Variants in EPB41L2 observed in about 807,000 individuals in gnomAD.
EPB41L2 encodes the protein band 4.1-like protein 2.
Under a neutral mutation model 113.0 loss-of-function variants are expected in EPB41L2, and 43 were observed. The observed-to-expected ratio is 0.38, with a 90% CI of 0.30 to 0.49. The LOEUF (loss-of-function observed/expected upper bound fraction) is 0.49. Ranked by LOEUF, EPB41L2 falls within the 20% of genes least tolerant of loss-of-function variation. EPB41L2 has a pLI of 0.95. For synonymous variants in EPB41L2, 442 were observed against 436.7 expected (o/e 1.01, Z -0.15); for missense variants, 1,147 against 1,223.4 (o/e 0.94, Z 0.93).
chr6:131,061,330 A>C (rs1453821287), intron 1 of EPB41L2, among the ~76,000 whole-genome samples: 1 of 152,212 alleles, frequency 6.6e-6, no homozygotes, highest in African/African-American at 2.4e-5. Context: ...CCATTGTTCC[A>C]AGCCATTACC....
intron 3 of EPB41L2, among the ~76,000 whole-genome samples, chr6:130,940,308 AT>A (rs907653281): frequency 5.9e-5 from 9 of 152,100 alleles, no homozygotes; most frequent in African/African-American, 1.9e-4. Context: ...TTTCTGGTAC[AT>A]TTTTTTTATG....
intron 17 of EPB41L2, 114 bp downstream of exon 17, chr6:130,865,422 G>A (rs755105355): frequency 8.2e-5 from 84 of 1,027,870 alleles, no homozygotes; most frequent in African/African-American, 1.3e-4. Context: ...TTTTGATTCC[G>A]CTGGCACTGT....
At chr6:131,023,629 G>A (rs1380675899) in intron 1 of EPB41L2, among the ~76,000 whole-genome samples, 1 of 151,854 alleles carries the variant, frequency 6.6e-6, no homozygotes, top group Non-Finnish European at 1.5e-5. Flanking sequence ...AGGTTGCAGT[G>A]AGCCAAGATC....
intron 19 of EPB41L2, among the ~76,000 whole-genome samples, chr6:130,855,832 A>C (rs1281154363): frequency 1.3e-5 from 2 of 151,972 alleles, no homozygotes; most frequent in Non-Finnish European, 2.9e-5. Flanking sequence ...TTTGTATGTA[A>C]CAGGAAGAGC....
At chr6:130,924,857 C>T (rs190253331) in intron 4 of EPB41L2, among the ~76,000 whole-genome samples, 95 of 152,116 alleles carry the variant, frequency 6.2e-4, no homozygotes, top group African/African-American at 2.2e-3. Flanking sequence ...ATAACACACA[C>T]GTAATAAATA....
intron 10 of EPB41L2, among the ~76,000 whole-genome samples, chr6:130,893,949 A>G (rs1583167610): frequency 6.6e-6 from 1 of 152,098 alleles, no homozygotes. Flanking sequence ...GCTGTGGTGG[A>G]AGGAAAGGTG....
chr6:130,910,031 T>C (rs1562462691), intron 4 of EPB41L2, among the ~76,000 whole-genome samples: 3 of 152,152 alleles, frequency 2.0e-5, no homozygotes, highest in Non-Finnish European at 2.9e-5. Flanking sequence ...AAAACTACCT[T>C]AAATTTCATA....
At chr6:130,950,062 C>G (rs983610290) in intron 3 of EPB41L2, among the ~76,000 whole-genome samples, 1 of 152,134 alleles carries the variant, frequency 6.6e-6, no homozygotes, top group Non-Finnish European at 1.5e-5. Flanking sequence ...TGTAAAATTT[C>G]AACTGTGCAG....
intron 1 of EPB41L2, among the ~76,000 whole-genome samples, chr6:130,958,468 C>CAAAAAAAAAAAAAAAAAA (rs200548809): frequency 1.8e-5 from 2 of 113,854 alleles, no homozygotes; most frequent in Non-Finnish European, 3.7e-5. Context: ...ACAACAACAA[C>CAAAAAAAAAAAAAAAAAA]AAAAAAAAAA....
intron 4 of EPB41L2, among the ~76,000 whole-genome samples, chr6:130,919,961 A>G (rs1802351646): frequency 6.6e-6 from 1 of 152,090 alleles, no homozygotes; most frequent in African/African-American, 2.4e-5. Flanking sequence ...GGAGACTACA[A>G]TTTGCTCAAC....
intron 1 of EPB41L2, among the ~76,000 whole-genome samples, chr6:131,002,366 G>C (rs1426559837): frequency 6.6e-6 from 1 of 152,150 alleles, no homozygotes; most frequent in Non-Finnish European, 1.5e-5. Context: ...AAGAAAGAAG[G>C]GGAATGGCAA....
At chr6:130,858,758 G>T (rs1198697029) in intron 18 of EPB41L2, among the ~76,000 whole-genome samples, 1 of 152,220 alleles carries the variant, frequency 6.6e-6, no homozygotes, top group Non-Finnish European at 1.5e-5. Context: ...CTCAGTAATT[G>T]TTTGAACTAA....
intron 19 of EPB41L2, among the ~76,000 whole-genome samples, chr6:130,846,302 TAATA>T (rs1777029165): frequency 6.6e-6 from 1 of 152,212 alleles, no homozygotes; most frequent in Non-Finnish European, 1.5e-5. Flanking sequence ...ATTTTTAACT[TAATA>T]AATATTTATA....
intron 18 of EPB41L2, among the ~76,000 whole-genome samples, chr6:130,861,850 C>T (rs1782175903): frequency 7.0e-6 from 1 of 142,164 alleles, no homozygotes; most frequent in African/African-American, 2.5e-5. Context: ...CCAGTCTGGG[C>T]ACCAGAGGGA....
intron 1 of EPB41L2, among the ~76,000 whole-genome samples, chr6:131,008,320 T>C (rs2128721948): frequency 6.6e-6 from 1 of 152,362 alleles, no homozygotes; most frequent in East Asian, 1.9e-4. Flanking sequence ...CACGTGGTGT[T>C]GACCCTGCGG....
chr6:130,910,571 A>G (rs565030805), intron 4 of EPB41L2, among the ~76,000 whole-genome samples: 4 of 152,360 alleles, frequency 2.6e-5, no homozygotes, highest in Non-Finnish European at 4.4e-5. Flanking sequence ...AAAAGAAACT[A>G]TCATCAGAGT....
intron 3 of EPB41L2, among the ~76,000 whole-genome samples, chr6:130,933,618 C>G (rs564729098): frequency 6.6e-6 from 1 of 152,156 alleles, no homozygotes; most frequent in Admixed American, 6.5e-5. Flanking sequence ...TGGATGGGCT[C>G]AAAATACATT....
intron 1 of EPB41L2, among the ~76,000 whole-genome samples, chr6:131,057,938 G>A (rs1004230471): frequency 5.9e-5 from 9 of 152,160 alleles, no homozygotes; most frequent in African/African-American, 1.7e-4. Flanking sequence ...CCATGATGCC[G>A]AACTTAGTTA....
At chr6:130,906,590 G>A (rs770003231) in intron 5 of EPB41L2, among the ~76,000 whole-genome samples, 11 of 152,058 alleles carry the variant, frequency 7.2e-5, no homozygotes, top group Admixed American at 2.0e-4. Flanking sequence ...CTAGTCATAC[G>A]CAAGCCTTAG....
Sources: allele counts gnomAD v4.1 joint callset (sites outside exome capture counted in the v4.1 genomes callset), GRCh38; gene constraint gnomAD v4.1.1; transcripts MANE v1.5; gene names NCBI Gene and HGNC (gene_info 2026-07-23, HGNC 2026-07-21).